Variants in DLG2 observed in about 807,000 individuals in gnomAD.
DLG2 encodes the protein discs large MAGUK scaffold protein 2.
DLG2 carries 45 observed loss-of-function variants against 132.5 expected under a neutral mutation model. The ratio of observed to expected loss-of-function variants is 0.34; its 90% confidence interval spans 0.27 to 0.44. DLG2 has a LOEUF of 0.44. DLG2 is among the 20% of genes least tolerant of loss of function. DLG2 has a pLI of 1.00. For synonymous variants in DLG2, 424 were observed against 419.6 expected (o/e 1.01, Z -0.13); for missense variants, 1,045 against 1,196.9 (o/e 0.87, Z 1.87).
intron 3 of DLG2, among the ~76,000 whole-genome samples, chr11:85,575,539 C>CA (rs771079911): frequency 0.13 from 11,627 of 89,564 alleles, 689 homozygotes; most frequent in Non-Finnish European, 0.14. Flanking sequence ...GATCCTATCT[C>CA]AAAAAAAAAA....
At chr11:84,732,753 C>T (rs2063313692) in intron 6 of DLG2, among the ~76,000 whole-genome samples, 1 of 151,902 alleles carries the variant, frequency 6.6e-6, no homozygotes, top group African/African-American at 2.4e-5. Flanking sequence ...ATTAACTCGT[C>T]ATTTACATTA....
rs1054778039 is a variant in DLG2, at chr11:83,846,326, G to A, written c.1566-12556C>T. Among the ~76,000 whole-genome samples, 6 of 152,200 alleles carry A rather than the reference G, an allele frequency of 3.9e-5. No individual in the cohort carries two copies. In the South Asian group the frequency reaches 6.2e-4, roughly 16 times the overall value. On this transcript the variant is annotated intron_variant, in intron 16 of 27. Transcript: ENST00000376104. ...AGGCAGACTGGGAAGGAACATGGAT[G>A]CCAACCTAAGGAATTCACACTTTAT...
intron 8 of DLG2, among the ~76,000 whole-genome samples, chr11:84,191,422 G>A (rs1046169374): frequency 1.3e-5 from 2 of 152,148 alleles, no homozygotes; most frequent in Non-Finnish European, 2.9e-5. Context: ...TAAAAGGAAA[G>A]AATGCCAGAT....
At chr11:85,397,704 G>C (rs2087550655) in intron 3 of DLG2, among the ~76,000 whole-genome samples, 1 of 152,154 alleles carries the variant, frequency 6.6e-6, no homozygotes, top group Admixed American at 6.6e-5. Context: ...AATGGTAAAA[G>C]GATCAATTCA....
chr11:85,438,493 A>G (rs1039456391), intron 3 of DLG2, among the ~76,000 whole-genome samples: 1 of 152,198 alleles, frequency 6.6e-6, no homozygotes, highest in African/African-American at 2.4e-5. Flanking sequence ...ATTACTTTTA[A>G]TAGCAAAAAC....
At chr11:84,002,087 T>C (rs1565989369) in intron 11 of DLG2, among the ~76,000 whole-genome samples, 1 of 151,948 alleles carries the variant, frequency 6.6e-6, no homozygotes, top group South Asian at 2.1e-4. Flanking sequence ...CTAAACAAAA[T>C]AGGTTTAAAG....
chr11:84,180,690 G>T (rs1040456186), intron 8 of DLG2, among the ~76,000 whole-genome samples: 1 of 152,010 alleles, frequency 6.6e-6, no homozygotes, highest in East Asian at 1.9e-4. Flanking sequence ...GGGCAGGTGG[G>T]AGCCATATCT....
intron 3 of DLG2, among the ~76,000 whole-genome samples, chr11:85,402,689 A>T (rs1220929154): frequency 6.6e-6 from 1 of 152,222 alleles, no homozygotes; most frequent in African/African-American, 2.4e-5. Context: ...AAGGACATGA[A>T]CAGACACTTC....
At chr11:84,355,163 T>G in intron 7 of DLG2, among the ~76,000 whole-genome samples, 1 of 152,144 alleles carries the variant, frequency 6.6e-6, no homozygotes, top group South Asian at 2.1e-4. Context: ...TGAATGCTTC[T>G]TAGAGGTGTT....
intron 8 of DLG2, among the ~76,000 whole-genome samples, chr11:84,241,691 C>T (rs565865036): frequency 6.6e-6 from 1 of 152,264 alleles, no homozygotes; most frequent in African/African-American, 2.4e-5. Context: ...TTTGTCCTTC[C>T]TGTATGCAGT....
chr11:83,885,466 A>G (rs12276804), intron 15 of DLG2, among the ~76,000 whole-genome samples: 26,169 of 152,218 alleles, frequency 0.17, 2,428 homozygotes, highest in Middle Eastern at 0.25. Flanking sequence ...CCAAATCTAC[A>G]TCTGATTGGT....
intron 4 of DLG2, among the ~76,000 whole-genome samples, chr11:85,223,846 A>G (rs2074813460): frequency 6.6e-6 from 1 of 152,146 alleles, no homozygotes; most frequent in Non-Finnish European, 1.5e-5. Context: ...CCAAATAAAC[A>G]TTCTAAGTAA....
intron 6 of DLG2, among the ~76,000 whole-genome samples, chr11:85,101,168 T>C (rs542988388): frequency 1.3e-5 from 2 of 152,222 alleles, no homozygotes; most frequent in South Asian, 4.1e-4. Flanking sequence ...CAGATGCCAT[T>C]TCTCTTGACT....
At chr11:84,698,129 A>C (rs894890187) in intron 6 of DLG2, among the ~76,000 whole-genome samples, 31 of 151,620 alleles carry the variant, frequency 2.0e-4, no homozygotes, top group Non-Finnish European at 4.1e-4. Flanking sequence ...AAAAATACAC[A>C]ATAGTTCTTG....
intron 6 of DLG2, among the ~76,000 whole-genome samples, chr11:84,851,395 G>C (rs1447678003): frequency 6.6e-6 from 1 of 151,964 alleles, no homozygotes; most frequent in Non-Finnish European, 1.5e-5. Context: ...CCTGGCTCTG[G>C]TCCCTTGACA....
chr11:85,156,561 G>C (rs1216027677), intron 4 of DLG2, among the ~76,000 whole-genome samples: 4 of 151,950 alleles, frequency 2.6e-5, no homozygotes, highest in Non-Finnish European at 5.9e-5. Flanking sequence ...ACTCCTCTTT[G>C]GTCCCATGAA....
At chr11:83,649,620 C>T (rs2069422166) in intron 18 of DLG2, among the ~76,000 whole-genome samples, 1 of 152,152 alleles carries the variant, frequency 6.6e-6, no homozygotes. Context: ...AATTCCCTTA[C>T]TTCCCCTGCT....
intron 6 of DLG2, among the ~76,000 whole-genome samples, chr11:84,665,584 T>A (rs1260817799): frequency 2.0e-5 from 3 of 152,052 alleles, no homozygotes; most frequent in Non-Finnish European, 2.9e-5. Flanking sequence ...TCTCAGAGAG[T>A]CAATTTCTGT....
At chr11:85,454,924 G>A (rs1406905556) in intron 3 of DLG2, among the ~76,000 whole-genome samples, 1 of 152,078 alleles carries the variant, frequency 6.6e-6, no homozygotes, top group Non-Finnish European at 1.5e-5. Context: ...CATTACTACA[G>A]CCTTGTAGTA....
Sources: gnomAD v4.1 joint callset for allele counts (sites outside exome capture counted in the v4.1 genomes callset) on GRCh38, gnomAD v4.1.1 for gene constraint, MANE v1.5 for transcripts, NCBI Gene and HGNC (gene_info 2026-07-23, HGNC 2026-07-21) for gene names.